Variants in PINK1 observed in about 807,000 individuals in gnomAD.
PINK1 encodes the protein serine/threonine-protein kinase PINK1, mitochondrial.
Under a neutral mutation model 56.0 loss-of-function variants are expected in PINK1, and 58 were observed. The observed-to-expected ratio is 1.04, with a 90% CI of 0.84 to 1.29. The LOEUF (loss-of-function observed/expected upper bound fraction) is 1.29, where lower values mean the gene tolerates loss of function less well. Among genes scored for constraint, PINK1 ranks in the 50% most tolerant of loss-of-function variants. The pLI, the probability that PINK1 is intolerant of heterozygous loss-of-function variation, is 0.00. For missense variants in PINK1, 745 were observed against 777.9 expected (o/e 0.96, Z 0.50); for synonymous variants, 354 against 339.3 (o/e 1.04, Z -0.48).
chr1:20,633,835 G>A lies in PINK1; in HGVS notation c.287G>A (p.Cys96Tyr), dbSNP rs776101618. The A allele has an allele frequency of 1.3e-6, 2 of 1,577,914 alleles. No individual in the cohort carries two copies. The highest frequency in any genetic ancestry group is 1.7e-6 in the Non-Finnish European group (2 of 1,165,238). Residue 96 changes from cysteine (C) to tyrosine (Y), a missense_variant, in exon 1 of 8, where the codon TGC becomes TAC. By Grantham distance (194) the Cys-to-Tyr change is radical (BLOSUM62 -2). Coordinates refer to ENST00000321556, the MANE Select transcript of PINK1 (RefSeq NM_032409.3). ...CGGGCCTGGGGCTGCGCGGGCCCTTGCGGCCGGGCAGTCTTTCTGGCCTTC... is the reference window on the plus strand; with the variant it reads ...CGGGCCTGGGGCTGCGCGGGCCCTTACGGCCGGGCAGTCTTTCTGGCCTTC... ...VVRAWGCAGP[C>Y]GRAVFLAFGL...
At chr1:20,636,988 A>G (rs933843486) in intron 1 of PINK1, among the ~76,000 whole-genome samples, 2 of 152,204 alleles carry the variant, frequency 1.3e-5, no homozygotes, top group Non-Finnish European at 2.9e-5. Flanking sequence ...TGAAAGCAAC[A>G]TATTTTGATG....
chr1:20,647,327 G>T (rs2154533931), intron 5 of PINK1, among the ~76,000 whole-genome samples: 1 of 151,904 alleles, frequency 6.6e-6, no homozygotes, highest in East Asian at 1.9e-4. Flanking sequence ...AAAGCGCTGG[G>T]ATTATTATTT....
intron 1 of PINK1, 52 bp downstream of exon 1, chr1:20,633,987 GCGGGTCCTCAGCTGGGT>G: frequency 1.9e-6 from 3 of 1,544,420 alleles, no homozygotes; most frequent in South Asian, 1.2e-5. Flanking sequence ...AAGCGCGGGG[GCGGGTCCTCAGCTGGGT>G]GGGGGCGGGG....
In PINK1 at chr1:20,637,895, C is replaced by T. The variant is rs1570399864; in HGVS notation, c.441C>T (p.Arg147=). The part of the protein sequence containing the change: ...KPGPDPLDTR[R]LQGFRLEEYL... ...GGCCTGACCCGTTGGACACGAGACGCTTGCAGGGCTTTCGGCTGGAGGAGT... is the reference window on the plus strand; with the variant it reads ...GGCCTGACCCGTTGGACACGAGACGTTTGCAGGGCTTTCGGCTGGAGGAGT... Residue 147 remains arginine (R), a synonymous_variant, in exon 2 of 8, where the codon CGC becomes CGT. Transcript: ENST00000321556. 6.2e-7 allele frequency: 1 copy of T among 1,614,242 alleles called. No homozygotes were observed. Among genetic ancestry groups the T allele is most frequent in the East Asian group, 2.2e-5 (1 of 44,884 alleles).
intron 2 of PINK1, chr1:20,638,811 AT>A (rs2053083914): frequency 6.5e-6 from 1 of 153,790 alleles, no homozygotes. Flanking sequence ...TTCTACCTTG[AT>A]TGGTTAGTTC....
intron 6 of PINK1, 154 bp downstream of exon 6, chr1:20,648,786 G>A (rs896598754): frequency 7.9e-6 from 11 of 1,397,168 alleles, no homozygotes; most frequent in African/African-American, 5.7e-5. Flanking sequence ...GCTTTCCTCC[G>A]GCGTTCCCTC....
intron 1 of PINK1, among the ~76,000 whole-genome samples, chr1:20,635,873 A>T (rs1238299602): frequency 1.7e-5 from 2 of 116,248 alleles, no homozygotes; most frequent in Non-Finnish European, 3.9e-5. Flanking sequence ...ATAAAAAAAT[A>T]AAAAATTCTG....
At chr1:20,647,826 T>C (rs1003245337) in intron 5 of PINK1, among the ~76,000 whole-genome samples, 2 of 152,118 alleles carry the variant, frequency 1.3e-5, no homozygotes, top group African/African-American at 2.4e-5. Context: ...ACCAATTCTT[T>C]TTTTATTTTT....
rs745900732 is a variant in PINK1 at position 20,633,911 on chromosome 1, G to A, written c.363G>A (p.Ala121=). The A allele has an allele frequency of 1.9e-6, 3 of 1,584,550 alleles. No individual in the cohort carries two copies. The highest frequency in any genetic ancestry group is 1.1e-5 in the South Asian group (1 of 87,336). Residue 121 remains alanine, a synonymous_variant, in exon 1 of 8, where the codon GCG becomes GCA. Transcript: ENST00000321556. ...IEEKQAESRR[A]VSACQEIQAI... is the part of the protein sequence containing the mutation. Reference sequence around the variant, plus strand: ...AAAAACAGGCGGAGAGCCGGCGGGCGGTCTCGGCCTGTCAGGAGATCCAGG... The same window carrying A: ...AAAAACAGGCGGAGAGCCGGCGGGCAGTCTCGGCCTGTCAGGAGATCCAGG...
intron 7 of PINK1, 80 bp downstream of exon 7, chr1:20,649,311 C>A: frequency 6.9e-7 from 1 of 1,441,366 alleles, no homozygotes; most frequent in Non-Finnish European, 9.7e-7. Context: ...CAGGTTTGGG[C>A]CAGAGCCACA....
chr1:20,635,304 C>G (rs1032396486), intron 1 of PINK1, among the ~76,000 whole-genome samples: 10 of 151,446 alleles, frequency 6.6e-5, no homozygotes, highest in African/African-American at 2.4e-4. Context: ...AGTTTGAGAC[C>G]AGCCTGGCCA....
chr1:20,639,444 G>A lies in PINK1; in HGVS notation c.676-448G>A, dbSNP rs142335260. The A allele has an allele frequency of 3.5e-3, 907 of 258,006 alleles. 12 individuals are homozygous for A. Among genetic ancestry groups the A allele is most frequent in the African/African-American group, 0.018 (833 of 45,906 alleles). 16.0% of individuals were successfully genotyped at this position (258,006 alleles called of 1,614,324 possible). ...ACTCTTTGGTTTTTGTCTGTTTGTC[G>A]TGGGGGATGGAGGAAGGCTGTTCTG... On this transcript the variant is annotated intron_variant, in intron 2 of 7. Coordinates refer to ENST00000321556, the MANE Select transcript of PINK1 (RefSeq NM_032409.3).
chr1:20,648,740 C>T (rs775201545), intron 6 of PINK1, 108 bp downstream of exon 6: 1 of 1,537,636 alleles, frequency 6.5e-7, no homozygotes, highest in African/African-American at 1.4e-5. Context: ...TCTTTTCTGA[C>T]CCATAATTTG....
intron 2 of PINK1, chr1:20,638,380 C>T: frequency 2.0e-6 from 1 of 499,426 alleles, no homozygotes; most frequent in Non-Finnish European, 3.6e-6. Context: ...GTGGACCATG[C>T]CTGTAATCCC....
At chr1:20,635,201 A>T (rs1468541775) in intron 1 of PINK1, among the ~76,000 whole-genome samples, 1 of 152,196 alleles carries the variant, frequency 6.6e-6, no homozygotes, top group Non-Finnish European at 1.5e-5. Flanking sequence ...AATTAATTTC[A>T]CATTAAAAAA....
At chr1:20,643,147 A>T (rs1488833309) in intron 3 of PINK1, 1 of 152,300 alleles carries the variant, frequency 6.6e-6, no homozygotes, top group Admixed American at 6.5e-5. Context: ...CACACTCCCA[A>T]AAAGAGAATC....
intron 3 of PINK1, among the ~76,000 whole-genome samples, chr1:20,644,215 TGTG>T (rs1297051253): frequency 1.3e-5 from 2 of 152,168 alleles, no homozygotes; most frequent in African/African-American, 2.4e-5. Context: ...TTTCTCCACC[TGTG>T]TTCTGCCACA....
rs918623975 is a variant in PINK1, at chr1:20,633,917, G to A, written c.369G>A (p.Ser123=). 6.3e-6 allele frequency: 10 copies of A among 1,584,512 alleles called. No individual in the cohort carries two copies. The highest frequency in any genetic ancestry group is 8.6e-6 in the Non-Finnish European group (10 of 1,168,320). The part of the protein sequence containing the change: ...EKQAESRRAV[S]ACQEIQAIFT... The stretch of plus-strand genomic sequence containing the variant: ...AGGCGGAGAGCCGGCGGGCGGTCTC[G>A]GCCTGTCAGGAGATCCAGGTGAGCG... Residue 123 remains serine (S), a synonymous_variant, in exon 1 of 8, where the codon TCG becomes TCA. Coordinates refer to ENST00000321556, the MANE Select transcript of PINK1 (RefSeq NM_032409.3).
At chr1:20,647,487 T>A (rs1408053875) in intron 5 of PINK1, among the ~76,000 whole-genome samples, 100 of 135,508 alleles carry the variant, frequency 7.4e-4, no homozygotes, top group African/African-American at 2.7e-3. Context: ...TTTTTTTTTT[T>A]TGAGACGGAG....
Sources: gnomAD v4.1 joint callset for allele counts (sites outside exome capture counted in the v4.1 genomes callset) on GRCh38, gnomAD v4.1.1 for gene constraint, MANE v1.5 for transcripts, NCBI Gene and HGNC (gene_info 2026-07-23, HGNC 2026-07-21) for gene names.